Variants in TRABD2B observed in about 807,000 individuals in gnomAD.
TRABD2B encodes the protein metalloprotease TIKI2.
In TRABD2B, 14 loss-of-function variants were observed where a neutral mutation model predicts 40.1. The observed-to-expected ratio is 0.35, with a 90% confidence interval of 0.23 to 0.55. The LOEUF (loss-of-function observed/expected upper bound fraction) is 0.55, where lower values mean the gene tolerates loss of function less well. Ranked by LOEUF, TRABD2B falls within the 20% of genes least tolerant of loss-of-function variation. The pLI, the probability that TRABD2B is intolerant of heterozygous loss-of-function variation, is 0.90. For synonymous variants in TRABD2B, 263 were observed against 277.0 expected, an observed-to-expected ratio of 0.95 and a Z score of 0.50; for missense variants, 541 against 648.6, an observed-to-expected ratio of 0.83 and a Z score of 1.80.
intron 2 of TRABD2B, among the ~76,000 whole-genome samples, chr1:47,834,511 A>G (rs926878319): frequency 6.6e-6 from 1 of 152,070 alleles, no homozygotes; most frequent in Non-Finnish European, 1.5e-5. Context: ...CAGGAAGTGC[A>G]GGCTAAGGCA....
intron 2 of TRABD2B, among the ~76,000 whole-genome samples, chr1:47,984,327 T>G (rs1474509102): frequency 1.3e-5 from 2 of 152,134 alleles, no homozygotes; most frequent in Admixed American, 1.3e-4. Flanking sequence ...GGCGAGGACA[T>G]ACACACTGCG....
At chr1:47,915,750 T>C (rs1447573683) in intron 2 of TRABD2B, among the ~76,000 whole-genome samples, 4 of 152,134 alleles carry the variant, frequency 2.6e-5, no homozygotes, top group Non-Finnish European at 5.9e-5. Context: ...CTTTGGGGGA[T>C]GTGCTGTCAG....
chr1:47,902,175 C>T (rs1450555371), intron 2 of TRABD2B, among the ~76,000 whole-genome samples: 2 of 152,166 alleles, frequency 1.3e-5, no homozygotes, highest in Non-Finnish European at 2.9e-5. Flanking sequence ...ACATGGGACA[C>T]GTGATGTGCT....
rs184139207 is a variant in TRABD2B, at chr1:47,859,576, C to T, written c.667-57957G>A. 2.8e-3 allele frequency among the ~76,000 whole-genome samples: 422 copies of T among 152,366 alleles called. 1 individual carries two copies. The highest frequency in any genetic ancestry group is 9.7e-3 in the African/African-American group (404 of 41,592). ...GCAGCAGCCCCTTTCTGGCCTGACC[C>T]TGGAGTTTGGGGAGGTTTGTGCATG... On this transcript the variant is annotated intron_variant, in intron 2 of 6. Transcript: ENST00000606738.
chr1:47,898,779 G>A (rs955575290), intron 2 of TRABD2B, among the ~76,000 whole-genome samples: 1 of 152,138 alleles, frequency 6.6e-6, no homozygotes, highest in African/African-American at 2.4e-5. Context: ...GTTAAATGAT[G>A]TATGGATATA....
At chr1:47,875,389 T>G (rs551559827) in intron 2 of TRABD2B, among the ~76,000 whole-genome samples, 104 of 151,624 alleles carry the variant, frequency 6.9e-4, no homozygotes, top group Non-Finnish European at 1.3e-3. Flanking sequence ...TCTCTTAAGC[T>G]AAGAAGGACA....
rs893761 is a variant in TRABD2B, at chr1:47,793,932, C to T, written c.988+654G>A. Among the ~76,000 whole-genome samples, 1,407 of 152,280 alleles carry T rather than the reference C, an allele frequency of 9.2e-3. 26 individuals carry two copies. The highest frequency in any genetic ancestry group is 0.032 in the African/African-American group (1,318 of 41,548). ...AGAAGCAAGCATCAAGTTCACTGTT[C>T]CATGTGTGATGATCACACTTATACT... On this transcript the variant is annotated intron_variant, in intron 4 of 6. Transcript: ENST00000606738.
intron 2 of TRABD2B, among the ~76,000 whole-genome samples, chr1:47,967,154 A>T (rs1213715656): frequency 6.6e-6 from 1 of 152,086 alleles, no homozygotes; most frequent in Non-Finnish European, 1.5e-5. Context: ...CTAAGACTGG[A>T]CTTCTCTTTT....
intron 4 of TRABD2B, among the ~76,000 whole-genome samples, chr1:47,782,256 C>T (rs577647740): frequency 1.3e-5 from 2 of 152,324 alleles, no homozygotes; most frequent in African/African-American, 2.4e-5. Flanking sequence ...TGATTCTCCT[C>T]GCTCCTCATC....
intron 2 of TRABD2B, among the ~76,000 whole-genome samples, chr1:47,959,534 C>T (rs139446554): frequency 0.023 from 3,566 of 152,234 alleles, 108 homozygotes; most frequent in Admixed American, 0.09. Context: ...GATATCACCA[C>T]CAATCCCACA....
chr1:47,857,326 C>T (rs570610788), intron 2 of TRABD2B, among the ~76,000 whole-genome samples: 1 of 152,154 alleles, frequency 6.6e-6, no homozygotes, highest in Non-Finnish European at 1.5e-5. Context: ...CTCTCATCTT[C>T]TTAGCCTGCA....
intron 2 of TRABD2B, among the ~76,000 whole-genome samples, chr1:47,920,876 G>A (rs1644893151): frequency 6.6e-6 from 1 of 152,156 alleles, no homozygotes; most frequent in Admixed American, 6.5e-5. Context: ...TGAATGGCCT[G>A]GCAAGGGGAA....
chr1:47,987,522 C>G (rs909895328), intron 2 of TRABD2B, among the ~76,000 whole-genome samples: 1 of 152,160 alleles, frequency 6.6e-6, no homozygotes, highest in African/African-American at 2.4e-5. Context: ...TCACCTCCAG[C>G]TTTAGGACCT....
At chr1:47,826,300 A>G (rs1206749525) in intron 2 of TRABD2B, among the ~76,000 whole-genome samples, 3 of 152,188 alleles carry the variant, frequency 2.0e-5, no homozygotes, top group Non-Finnish European at 4.4e-5. Context: ...AGCTCATGAC[A>G]TATAATTTAT....
intron 2 of TRABD2B, among the ~76,000 whole-genome samples, chr1:47,884,788 G>C (rs952390893): frequency 1.3e-5 from 2 of 151,844 alleles, no homozygotes; most frequent in African/African-American, 4.8e-5. Flanking sequence ...GCTAATTTTT[G>C]TATTTTTAGT....
At chr1:47,966,904 C>CAAATAAAATA (rs59311312) in intron 2 of TRABD2B, among the ~76,000 whole-genome samples, 13,819 of 128,608 alleles carry the variant, frequency 0.11, 1,097 homozygotes, top group African/African-American at 0.18. Flanking sequence ...GACTCTGTCT[C>CAAATAAAATA]AAATAAAATA....
chr1:47,805,050 C>T (rs1186145526), intron 2 of TRABD2B, among the ~76,000 whole-genome samples: 2 of 152,152 alleles, frequency 1.3e-5, no homozygotes, highest in Non-Finnish European at 2.9e-5. Flanking sequence ...CCTGTGGCCT[C>T]CTCATATTAA....
chr1:47,874,301 C>T lies in TRABD2B; in HGVS notation c.667-72682G>A, dbSNP rs539255458. Among the ~76,000 whole-genome samples the T allele has an allele frequency of 4.4e-4, 59 of 133,608 alleles. 1 individual carries two copies. The East Asian group carries it at 0.014, about 31-fold the overall frequency. 87.7% of individuals were successfully genotyped at this position (133,608 alleles called of 152,430 possible). A position where few individuals can be genotyped will look rare whatever the true frequency, so the allele number is the denominator to read the frequency against. Reference sequence around the variant, plus strand: ...TGAGACGGAGTCTCGCTCTGTCGCCCAGGCCGGACTGCGGACTGCGGACTG... The same window carrying T: ...TGAGACGGAGTCTCGCTCTGTCGCCTAGGCCGGACTGCGGACTGCGGACTG... On this transcript the variant is annotated intron_variant, in intron 2 of 6. Transcript: ENST00000606738.
chr1:47,993,412 C>T (rs776288138), intron 2 of TRABD2B, among the ~76,000 whole-genome samples: 17 of 152,200 alleles, frequency 1.1e-4, no homozygotes, highest in African/African-American at 2.4e-4. Context: ...AACCTTTAAG[C>T]GAACACGCTT....
Sources: gnomAD v4.1 joint callset for allele counts (sites outside exome capture counted in the v4.1 genomes callset) on GRCh38, gnomAD v4.1.1 for gene constraint, MANE v1.5 for transcripts, NCBI Gene and HGNC (gene_info 2026-07-23, HGNC 2026-07-21) for gene names.